CSMD3: variants seen among roughly 807,000 people sequenced by gnomAD.
CSMD3 encodes the protein CUB and Sushi multiple domains 3.
Under a neutral mutation model 435.2 loss-of-function variants are expected in CSMD3, and 177 were observed. The ratio of observed to expected loss-of-function variants is 0.41; its 90% CI spans 0.36 to 0.46. CSMD3 has a LOEUF of 0.46. Among genes scored for constraint, CSMD3 ranks in the 20% least tolerant of loss-of-function variants. The probability of loss-of-function intolerance (pLI) is 0.34; values close to 1 mark genes in which losing one functional copy is unlikely to be tolerated. For missense variants in CSMD3, 4,265 were observed against 4,504.6 expected (o/e 0.95, Z 1.52); for synonymous variants, 1,656 against 1,520.5 (o/e 1.09, Z -2.07).
At chr8:112,863,051 T>G (rs2080870396) in intron 10 of CSMD3, among the ~76,000 whole-genome samples, 1 of 152,014 alleles carries the variant, frequency 6.6e-6, no homozygotes, top group Non-Finnish European at 1.5e-5. Flanking sequence ...ACACTTTTCC[T>G]CATTTCAATT....
intron 13 of CSMD3, among the ~76,000 whole-genome samples, chr8:112,792,307 C>T (rs2078711313): frequency 6.6e-6 from 1 of 152,042 alleles, no homozygotes; most frequent in African/African-American, 2.4e-5. Context: ...GCTGTGAATT[C>T]CAAGATCAGG....
At chr8:113,335,741 A>G (rs1247649889) in intron 1 of CSMD3, among the ~76,000 whole-genome samples, 1 of 151,824 alleles carries the variant, frequency 6.6e-6, no homozygotes, top group Non-Finnish European at 1.5e-5. Context: ...TGTTGTGAGT[A>G]AAGTGTTCTA....
intron 66 of CSMD3, among the ~76,000 whole-genome samples, chr8:112,241,130 T>C (rs1814093754): frequency 6.6e-6 from 1 of 152,012 alleles, no homozygotes; most frequent in Non-Finnish European, 1.5e-5. Context: ...TATTATATAA[T>C]TATTTAATTA....
chr8:113,077,321 A>T (rs773316199), intron 5 of CSMD3, among the ~76,000 whole-genome samples: 1 of 152,052 alleles, frequency 6.6e-6, no homozygotes. Flanking sequence ...AAATGTAAAA[A>T]CACTCTAAAA....
At chr8:112,547,058 A>C (rs1827245811) in intron 27 of CSMD3, among the ~76,000 whole-genome samples, 1 of 152,154 alleles carries the variant, frequency 6.6e-6, no homozygotes, top group African/African-American at 2.4e-5. Context: ...ATTTGCTCAA[A>C]AGAAGAATGG....
intron 10 of CSMD3, among the ~76,000 whole-genome samples, chr8:112,898,450 T>A (rs904012173): frequency 6.6e-6 from 1 of 151,284 alleles, no homozygotes; most frequent in Non-Finnish European, 1.5e-5. Flanking sequence ...TTGTTAGATA[T>A]TAGTACTCTA....
At chr8:112,787,435 G>C (rs923651486) in intron 13 of CSMD3, among the ~76,000 whole-genome samples, 1 of 151,992 alleles carries the variant, frequency 6.6e-6, no homozygotes, top group African/African-American at 2.4e-5. Context: ...AATACTGCTA[G>C]GTATGTACCC....
chr8:112,836,619 T>C (rs1357525289), intron 11 of CSMD3, among the ~76,000 whole-genome samples: 1 of 151,876 alleles, frequency 6.6e-6, no homozygotes, highest in Non-Finnish European at 1.5e-5. Context: ...TATCTGAATG[T>C]ATTCAGCTAT....
intron 10 of CSMD3, among the ~76,000 whole-genome samples, chr8:112,905,279 CAG>C (rs557207382): frequency 6.4e-4 from 95 of 148,710 alleles, no homozygotes; most frequent in Admixed American, 7.5e-4. Context: ...ATTAGACAAA[CAG>C]ATTTTTATTA....
intron 45 of CSMD3, among the ~76,000 whole-genome samples, chr8:112,330,221 C>G (rs1022661614): frequency 6.6e-6 from 1 of 152,006 alleles, no homozygotes; most frequent in Non-Finnish European, 1.5e-5. Context: ...GTAAAAGTAG[C>G]ATAACCGTAA....
chr8:112,687,906 C>T (rs2076047234), intron 14 of CSMD3, among the ~76,000 whole-genome samples: 1 of 152,116 alleles, frequency 6.6e-6, no homozygotes, highest in Non-Finnish European at 1.5e-5. Flanking sequence ...ATACTTACTC[C>T]TAATCCCTCT....
chr8:112,921,531 A>G (rs2130628165), intron 10 of CSMD3, 96 bp downstream of exon 10: 1 of 1,034,540 alleles, frequency 9.7e-7, no homozygotes, highest in South Asian at 1.3e-5. Context: ...CTTAAAGATT[A>G]TATTACAATT....
chr8:112,357,525 G>A (rs1287271059), intron 38 of CSMD3, among the ~76,000 whole-genome samples: 1 of 152,200 alleles, frequency 6.6e-6, no homozygotes, highest in Non-Finnish European at 1.5e-5. Flanking sequence ...CCAAGACAAT[G>A]GGGAAAATGT....
At chr8:113,370,212 A>C (rs2094338613) in intron 1 of CSMD3, among the ~76,000 whole-genome samples, 1 of 151,336 alleles carries the variant, frequency 6.6e-6, no homozygotes, top group Admixed American at 6.6e-5. Flanking sequence ...ATTTAAATAA[A>C]TTTAAAAAAA....
chr8:113,278,040 G>T (rs528039181), intron 3 of CSMD3, among the ~76,000 whole-genome samples: 1 of 152,004 alleles, frequency 6.6e-6, no homozygotes, highest in South Asian at 2.1e-4. Flanking sequence ...TTTGGCATCA[G>T]GTTTTGATGC....
In CSMD3 at chr8:112,380,462, A is replaced by G; in HGVS notation, c.6032-6T>C. 2 of 1,412,560 alleles carry G rather than the reference A, an allele frequency of 1.4e-6. 1 individual carries two copies. Among genetic ancestry groups the G allele is most frequent in the Non-Finnish European group, 2.0e-6 (2 of 996,904 alleles). 87.5% of individuals were successfully genotyped at this position (1,412,560 alleles called of 1,614,324 possible). On this transcript the variant is annotated splice_region_variant and splice_polypyrimidine_tract_variant and intron_variant, in intron 37 of 70. Coordinates refer to ENST00000297405, the MANE Select transcript of CSMD3 (RefSeq NM_198123.2). ...AAGATGGGGTATTGTTGTTCCTGAAATGATATATGAGAAGGCAAGACAATG... is the reference window on the plus strand; with the variant it reads ...AAGATGGGGTATTGTTGTTCCTGAAGTGATATATGAGAAGGCAAGACAATG...
At position 112,586,959 on chromosome 8, in the gene CSMD3, T is replaced by G. The variant is rs557141527; in HGVS notation, c.3885+107A>C. On this transcript the variant is annotated intron_variant, in intron 23 of 70. Transcript: ENST00000297405. ...GTGAATGGTAGAATCAACTTACGGT[T>G]AATACTATATACATACACATATATA... The G allele has an allele frequency of 1.5e-5, 10 of 664,082 alleles. No homozygotes were observed. The Admixed American group carries it at 2.4e-4, about 16-fold the overall frequency. 41.1% of individuals were successfully genotyped at this position (664,082 alleles called of 1,614,324 possible).
intron 38 of CSMD3, among the ~76,000 whole-genome samples, chr8:112,378,169 A>C (rs913981191): frequency 8.5e-5 from 13 of 152,070 alleles, no homozygotes; most frequent in Admixed American, 6.6e-5. Flanking sequence ...AAACACACAA[A>C]AAAAAATGTG....
intron 10 of CSMD3, among the ~76,000 whole-genome samples, chr8:112,913,155 G>A (rs1389210434): frequency 1.3e-5 from 2 of 151,982 alleles, no homozygotes; most frequent in Non-Finnish European, 2.9e-5. Flanking sequence ...GTACCCTAGA[G>A]CAGTGGTCCC....
Sources: gnomAD v4.1 joint callset for allele counts (sites outside exome capture counted in the v4.1 genomes callset) on GRCh38, gnomAD v4.1.1 for gene constraint, MANE v1.5 for transcripts, NCBI Gene and HGNC (gene_info 2026-07-23, HGNC 2026-07-21) for gene names.